Variants in REDIC1 observed in about 807,000 individuals in gnomAD.
The protein encoded by REDIC1 is HEI10 Interacting Protein 1.
At chr12:39,703,919 A>G in the REDIC1 span, among the ~76,000 whole-genome samples, 3 of 152,212 alleles carry the variant, frequency 2.0e-5, no homozygotes. Context: ...TCATACAAAA[A>G]TCAATTCAAG....
the REDIC1 span, among the ~76,000 whole-genome samples, chr12:39,842,546 CA>C: frequency 6.6e-6 from 1 of 152,032 alleles, no homozygotes; most frequent in African/African-American, 2.4e-5. Context: ...TTACACTCCC[CA>C]GTAAAATGGA....
the REDIC1 span, among the ~76,000 whole-genome samples, chr12:39,701,386 ACTAT>A: frequency 1.3e-5 from 2 of 152,230 alleles, no homozygotes; most frequent in African/African-American, 2.4e-5. Context: ...AGAAGAGCTA[ACTAT>A]CCTAAATATA....
the REDIC1 span, among the ~76,000 whole-genome samples, chr12:39,858,905 C>T: frequency 6.6e-6 from 1 of 152,088 alleles, no homozygotes; most frequent in Non-Finnish European, 1.5e-5. Flanking sequence ...CGTGCCCGAC[C>T]GTTTTTACAC....
At chr12:39,796,225 T>C in the REDIC1 span, among the ~76,000 whole-genome samples, 1 of 151,846 alleles carries the variant, frequency 6.6e-6, no homozygotes, top group Non-Finnish European at 1.5e-5. Context: ...ATGTAGGGGG[T>C]AGCCCTTAAC....
chr12:39,770,586 T>C, the REDIC1 span, among the ~76,000 whole-genome samples: 1 of 152,154 alleles, frequency 6.6e-6, no homozygotes, highest in Non-Finnish European at 1.5e-5. Flanking sequence ...GGGAAAGAAC[T>C]GTATCATGGG....
the REDIC1 span, among the ~76,000 whole-genome samples, chr12:39,773,709 C>G: frequency 6.6e-6 from 1 of 152,134 alleles, no homozygotes; most frequent in African/African-American, 2.4e-5. Context: ...TTTGACTGCT[C>G]CAGGCTTATA....
At chr12:39,713,171 A>C in the REDIC1 span, among the ~76,000 whole-genome samples, 4 of 150,076 alleles carry the variant, frequency 2.7e-5, no homozygotes, top group Non-Finnish European at 6.0e-5. Context: ...ACGTGTATAT[A>C]TGTGCATATA....
the REDIC1 span, among the ~76,000 whole-genome samples, chr12:39,773,945 AG>A: frequency 6.6e-6 from 1 of 152,198 alleles, no homozygotes; most frequent in African/African-American, 2.4e-5. Flanking sequence ...TTCATTACTG[AG>A]GAGTGTCAGT....
the REDIC1 span, among the ~76,000 whole-genome samples, chr12:39,788,146 C>T: frequency 0.037 from 5,591 of 152,210 alleles, 146 homozygotes; most frequent in Non-Finnish European, 0.055. Context: ...GTGAGGGATA[C>T]ATTCCAAGAT....
chr12:39,688,217 AAG>A, the REDIC1 span, among the ~76,000 whole-genome samples: 120,381 of 151,926 alleles, frequency 0.79, 48,428 homozygotes, highest in Non-Finnish European at 0.86. Flanking sequence ...GCTAGTCAGA[AAG>A]AGACAAAAAT....
At chr12:39,833,076 C>T in the REDIC1 span, among the ~76,000 whole-genome samples, 3 of 152,092 alleles carry the variant, frequency 2.0e-5, no homozygotes, top group Admixed American at 6.6e-5. Flanking sequence ...AAATTATTAT[C>T]ATCTATGACC....
the REDIC1 span, among the ~76,000 whole-genome samples, chr12:39,689,973 A>G: frequency 1.8e-3 from 280 of 152,344 alleles, no homozygotes; most frequent in African/African-American, 6.0e-3. Context: ...ATCAGGTGCT[A>G]TGAGGAGTTC....
chr12:39,895,845 C>T, the REDIC1 span, among the ~76,000 whole-genome samples: 1 of 60,814 alleles, frequency 1.6e-5, no homozygotes, highest in African/African-American at 6.7e-5. Flanking sequence ...TATGCACACA[C>T]ATATGTATAT....
the REDIC1 span, among the ~76,000 whole-genome samples, chr12:39,832,351 G>T: frequency 2.0e-4 from 31 of 152,150 alleles, no homozygotes; most frequent in East Asian, 3.1e-3. Context: ...TTTGGGAAAG[G>T]TCAACTCACT....
At chr12:39,713,107 G>T in the REDIC1 span, among the ~76,000 whole-genome samples, 3 of 146,650 alleles carry the variant, frequency 2.0e-5, no homozygotes, top group South Asian at 6.4e-4. Context: ...GTGCATATAC[G>T]TATATATGTA....
At chr12:39,904,018 G>A in the REDIC1 span, among the ~76,000 whole-genome samples, 9 of 151,976 alleles carry the variant, frequency 5.9e-5, no homozygotes, top group African/African-American at 1.9e-4. Context: ...TGTCTGTGTC[G>A]GAGGTGCCCA....
the REDIC1 span, among the ~76,000 whole-genome samples, chr12:39,770,922 G>GAT: frequency 6.6e-6 from 1 of 152,104 alleles, no homozygotes; most frequent in East Asian, 1.9e-4. Flanking sequence ...GTAAAGTTAG[G>GAT]ATATATGTGG....
chr12:39,787,752 AT>A, the REDIC1 span, among the ~76,000 whole-genome samples: 8 of 152,226 alleles, frequency 5.3e-5, no homozygotes, highest in Admixed American at 5.2e-4. Context: ...TAATAAATAA[AT>A]GACATGATGT....
chr12:39,669,214 C>T, the REDIC1 span, among the ~76,000 whole-genome samples: 2 of 152,094 alleles, frequency 1.3e-5, no homozygotes, highest in Non-Finnish European at 2.9e-5. Context: ...ATGATGGTGA[C>T]ATACATATGG....
Sources: allele counts gnomAD v4.1 joint callset (sites outside exome capture counted in the v4.1 genomes callset), GRCh38; gene constraint gnomAD v4.1.1; transcripts MANE v1.5; gene names NCBI Gene and HGNC (gene_info 2026-07-23, HGNC 2026-07-21).